The following TSPAN15 variants were observed in gnomAD, a reference collection of about 807,000 sequenced individuals.
TSPAN15 encodes the protein tetraspanin-15.
Under a neutral mutation model 34.5 loss-of-function variants are expected in TSPAN15, and 20 were observed. That is an observed-to-expected ratio of 0.58 (90% CI 0.41 to 0.84). The LOEUF is 0.84. Ranked by LOEUF, TSPAN15 falls within the 40% of genes least tolerant of loss-of-function variation. The pLI is 0.00. For missense variants in TSPAN15, 313 were observed against 386.1 expected, an observed-to-expected ratio of 0.81 and a Z score of 1.59; for synonymous variants, 155 against 153.9, an observed-to-expected ratio of 1.01 and a Z score of -0.05.
chr10:69,491,188 G>C (rs549766515), intron 3 of TSPAN15, among the ~76,000 whole-genome samples: 1 of 152,288 alleles, frequency 6.6e-6, no homozygotes, highest in East Asian at 1.9e-4. Context: ...TGGTCCCCTG[G>C]GTTCTCTTCC....
chr10:69,515,609 A>G, the TSPAN15 span, among the ~76,000 whole-genome samples: 1 of 152,144 alleles, frequency 6.6e-6, no homozygotes, highest in Non-Finnish European at 1.5e-5. Context: ...ACTCCTTCCA[A>G]GCTCTTGCCT....
chr10:69,496,333 A>G (rs1214872709), intron 4 of TSPAN15, among the ~76,000 whole-genome samples: 3 of 137,190 alleles, frequency 2.2e-5, no homozygotes, highest in Admixed American at 1.6e-4. Context: ...TAATAATAAT[A>G]ATAATAATAA....
At chr10:69,486,418 A>G (rs1841854648) in intron 3 of TSPAN15, among the ~76,000 whole-genome samples, 1 of 149,932 alleles carries the variant, frequency 6.7e-6, no homozygotes, top group Non-Finnish European at 1.5e-5. Flanking sequence ...CTGTGAGCCA[A>G]GTTATCTTTT....
At chr10:69,499,819 C>T (rs1490440938) in intron 5 of TSPAN15, among the ~76,000 whole-genome samples, 2 of 152,128 alleles carry the variant, frequency 1.3e-5, no homozygotes, top group Non-Finnish European at 2.9e-5. Flanking sequence ...AGGGGCATTC[C>T]TGGCAGCAAG....
At chr10:69,528,517 G>A in the TSPAN15 span, among the ~76,000 whole-genome samples, 1 of 148,656 alleles carries the variant, frequency 6.7e-6, no homozygotes, top group Non-Finnish European at 1.5e-5. Context: ...GCAGGCAAGG[G>A]GCCTGCCCTG....
intron 1 of TSPAN15, among the ~76,000 whole-genome samples, chr10:69,459,681 C>T (rs539579481): frequency 2.0e-5 from 3 of 152,060 alleles, no homozygotes; most frequent in South Asian, 4.2e-4. Flanking sequence ...GTTTGGGGTT[C>T]GAGTGACTGA....
intron 1 of TSPAN15, among the ~76,000 whole-genome samples, chr10:69,462,311 T>C (rs896872421): frequency 8.6e-5 from 13 of 151,542 alleles, no homozygotes; most frequent in Non-Finnish European, 1.8e-4. Flanking sequence ...TTATCTGTAA[T>C]ATTTTTATTT....
At chr10:69,534,874 C>T in the TSPAN15 span, among the ~76,000 whole-genome samples, 2 of 149,554 alleles carry the variant, frequency 1.3e-5, no homozygotes, top group African/African-American at 4.9e-5. Context: ...GTCCTAGCTA[C>T]TCGGGAGGCT....
chr10:69,539,800 A>G, the TSPAN15 span, among the ~76,000 whole-genome samples: 1 of 152,078 alleles, frequency 6.6e-6, no homozygotes, highest in Non-Finnish European at 1.5e-5. Flanking sequence ...TCCAGCCATC[A>G]TGTTCATGTT....
chr10:69,521,473 CCT>C, the TSPAN15 span, among the ~76,000 whole-genome samples: 7 of 147,822 alleles, frequency 4.7e-5, 1 homozygote, highest in Non-Finnish European at 6.0e-5. Context: ...GGCCAGAAAC[CCT>C]GTCTCTACTA....
intron 1 of TSPAN15, among the ~76,000 whole-genome samples, chr10:69,479,932 CTTGGTTTACAT>C (rs1841697329): frequency 6.6e-6 from 1 of 152,118 alleles, no homozygotes; most frequent in Non-Finnish European, 1.5e-5. Flanking sequence ...TGAGGGAGTT[CTTGGTTTACAT>C]TTGCTTTGGG....
At chr10:69,512,261 A>G (rs1298909915), downstream of TSPAN15, among the ~76,000 whole-genome samples, 1 of 152,172 alleles carries the variant, frequency 6.6e-6, no homozygotes, top group East Asian at 1.9e-4. Flanking sequence ...ACACCATGAC[A>G]CACATAGAAA....
At chr10:69,541,489 C>T in the TSPAN15 span, among the ~76,000 whole-genome samples, 1 of 152,232 alleles carries the variant, frequency 6.6e-6, no homozygotes, top group Non-Finnish European at 1.5e-5. Flanking sequence ...GGCAGCTCCA[C>T]CCCTGTGGAG....
At chr10:69,485,017 C>A in intron 2 of TSPAN15, 124 bp from the exon 3 acceptor site, 3 of 899,008 alleles carry the variant, frequency 3.3e-6, no homozygotes, top group Admixed American at 1.8e-5. Context: ...GGCCTAGGAG[C>A]TGGTAGGAGC....
chr10:69,453,151 G>GCGGA (rs2133047823), intron 1 of TSPAN15, among the ~76,000 whole-genome samples: 1 of 152,228 alleles, frequency 6.6e-6, no homozygotes, highest in South Asian at 2.1e-4. Flanking sequence ...TGTTTGGGGG[G>GCGGA]CGGAGGATGG....
chr10:69,455,574 T>TTTTC (rs757184848), intron 1 of TSPAN15, among the ~76,000 whole-genome samples: 8 of 113,844 alleles, frequency 7.0e-5, no homozygotes, highest in Admixed American at 2.5e-4. Context: ...TTTCTTTCTC[T>TTTTC]TTTCTTTCTT....
intron 1 of TSPAN15, among the ~76,000 whole-genome samples, chr10:69,480,419 T>C (rs1423919241): frequency 6.6e-6 from 1 of 152,200 alleles, no homozygotes; most frequent in East Asian, 1.9e-4. Flanking sequence ...AATAGTTGTG[T>C]TCGTTCCACG....
chr10:69,533,302 G>GATATATAT, the TSPAN15 span, among the ~76,000 whole-genome samples: 4 of 151,296 alleles, frequency 2.6e-5, no homozygotes, highest in African/African-American at 9.7e-5. Context: ...AAGAAACTGT[G>GATATATAT]ATATATATAT....
chr10:69,493,912 G>T (rs891213210), intron 3 of TSPAN15, among the ~76,000 whole-genome samples: 2 of 152,254 alleles, frequency 1.3e-5, no homozygotes, highest in African/African-American at 4.8e-5. Flanking sequence ...ACCGCGCCAG[G>T]CCTCCATCTC....
Sources: allele counts gnomAD v4.1 joint callset (sites outside exome capture counted in the v4.1 genomes callset), GRCh38; gene constraint gnomAD v4.1.1; transcripts MANE v1.5; gene names NCBI Gene and HGNC (gene_info 2026-07-23, HGNC 2026-07-21).